Variants in IL1RAP observed in about 807,000 individuals in gnomAD.
IL1RAP encodes interleukin-1 receptor accessory protein.
IL1RAP carries 35 observed loss-of-function variants against 60.7 expected under a neutral mutation model. That is an observed-to-expected ratio of 0.58 (90% confidence interval 0.44 to 0.76). IL1RAP has a LOEUF of 0.76. Among genes scored for constraint, IL1RAP ranks in the 30% least tolerant of loss-of-function variants. The pLI is 0.00. For synonymous variants in IL1RAP, 268 were observed against 250.9 expected, an observed-to-expected ratio of 1.07 and a Z score of -0.64; for missense variants, 572 against 693.9, an observed-to-expected ratio of 0.82 and a Z score of 1.97.
downstream of IL1RAP, among the ~76,000 whole-genome samples, chr3:190,654,713 C>G (rs1032140495): frequency 3.9e-5 from 6 of 152,214 alleles, no homozygotes; most frequent in Non-Finnish European, 7.3e-5. Flanking sequence ...AAACTCTCTC[C>G]GTTACTGTTT....
At chr3:190,585,821 AG>A (rs1338826938) in intron 3 of IL1RAP, among the ~76,000 whole-genome samples, 3 of 152,238 alleles carry the variant, frequency 2.0e-5, no homozygotes, top group East Asian at 3.9e-4. Context: ...CCAAAAAAAA[AG>A]AAAAAAAGAA....
intron 3 of IL1RAP, among the ~76,000 whole-genome samples, chr3:190,572,125 T>C (rs1726982427): frequency 6.6e-6 from 1 of 152,202 alleles, no homozygotes; most frequent in South Asian, 2.1e-4. Context: ...TAGCTTTAAA[T>C]TGATGCACCT....
At chr3:190,625,731 T>C (rs996276217) in intron 7 of IL1RAP, among the ~76,000 whole-genome samples, 1 of 152,238 alleles carries the variant, frequency 6.6e-6, no homozygotes, top group African/African-American at 2.4e-5. Flanking sequence ...TATGACTTGC[T>C]TTGTGAAACA....
chr3:190,589,133 A>C (rs1350927561), intron 3 of IL1RAP, among the ~76,000 whole-genome samples: 1 of 152,140 alleles, frequency 6.6e-6, no homozygotes, highest in Non-Finnish European at 1.5e-5. Context: ...TCTAAGATGC[A>C]CGGTGGATTA....
At chr3:190,610,496 A>C (rs1730728707) in intron 5 of IL1RAP, among the ~76,000 whole-genome samples, 1 of 152,066 alleles carries the variant, frequency 6.6e-6, no homozygotes, top group Admixed American at 6.6e-5. Context: ...TAGAAGGTGA[A>C]AGGGAGAAAA....
chr3:190,619,795 C>G (rs898024858), intron 5 of IL1RAP, among the ~76,000 whole-genome samples: 3 of 150,884 alleles, frequency 2.0e-5, no homozygotes, highest in African/African-American at 7.3e-5. Context: ...AGGGAAACAA[C>G]AGGGTGATTA....
chr3:190,602,450 A>G (rs1419458835), intron 3 of IL1RAP, among the ~76,000 whole-genome samples: 3 of 152,180 alleles, frequency 2.0e-5, no homozygotes, highest in Non-Finnish European at 2.9e-5. Context: ...AAATCTTTTA[A>G]CACTTAGCAC....
chr3:190,527,684 ATTTT>A (rs58914187), intron 1 of IL1RAP, among the ~76,000 whole-genome samples: 8 of 112,928 alleles, frequency 7.1e-5, no homozygotes, highest in Non-Finnish European at 1.1e-4. Flanking sequence ...GCTTGTTTAC[ATTTT>A]TTTTTTTTTT....
intron 1 of IL1RAP, among the ~76,000 whole-genome samples, chr3:190,545,534 ATG>A (rs1395313721): frequency 9.8e-5 from 15 of 152,316 alleles, no homozygotes; most frequent in African/African-American, 3.4e-4. Flanking sequence ...GACATGACAA[ATG>A]CTGAGATTGT....
downstream of IL1RAP, chr3:190,656,280 G>A (rs746232734): frequency 6.5e-7 from 1 of 1,537,220 alleles, no homozygotes. Flanking sequence ...GTTTGAAAGA[G>A]CCCCCAGAAC....
intron 1 of IL1RAP, among the ~76,000 whole-genome samples, chr3:190,544,621 C>T (rs1724216136): frequency 6.6e-6 from 1 of 152,160 alleles, no homozygotes; most frequent in African/African-American, 2.4e-5. Flanking sequence ...CAGTCAAACT[C>T]CACCTCCACC....
downstream of IL1RAP, chr3:190,656,464 C>G (rs1378303495): frequency 3.9e-6 from 6 of 1,537,260 alleles, no homozygotes; most frequent in Non-Finnish European, 4.4e-6. Flanking sequence ...GGAGACACAC[C>G]TCTGTAAGCC....
chr3:190,566,567 AG>A (rs1726420492), intron 3 of IL1RAP, among the ~76,000 whole-genome samples: 1 of 152,148 alleles, frequency 6.6e-6, no homozygotes, highest in East Asian at 1.9e-4. Context: ...TGCCAGGGGA[AG>A]CTAACTTCTT....
chr3:190,620,376 T>C lies in IL1RAP; in HGVS notation c.639T>C (p.Val213=), dbSNP rs745436230. The C allele has an allele frequency of 2.2e-5, 35 of 1,612,816 alleles. No individual in the cohort carries two copies. The Middle Eastern group carries it at 4.9e-4, about 23-fold the overall frequency. Residue 213 remains valine, a synonymous_variant, in exon 6 of 12, where the codon GTT becomes GTC. Coordinates refer to ENST00000447382, the MANE Select transcript of IL1RAP (RefSeq NM_002182.4). ...CAAATAATGGAAATTACACATGTGT[T>C]GTTACATATCCAGAAAATGGACGTA... The part of the protein sequence containing the change: ...LISNNGNYTC[V]VTYPENGRTF...
At chr3:190,552,006 G>A (rs541087596) in intron 1 of IL1RAP, among the ~76,000 whole-genome samples, 14 of 152,040 alleles carry the variant, frequency 9.2e-5, no homozygotes, top group Non-Finnish European at 1.0e-4. Context: ...GCAATCCAAC[G>A]TACCTAAACA....
In IL1RAP at chr3:190,582,813, A is replaced by G. The variant is rs1485975916; in HGVS notation, c.64+18460A>G. 3.9e-5 allele frequency among the ~76,000 whole-genome samples: 6 copies of G among 152,288 alleles called. No individual in the cohort carries two copies. The East Asian group carries it at 9.6e-4, about 24-fold the overall frequency. ...AAATTTAAGTTCCTTACAGCGGCCT[A>G]TATGCTCTTATATGTTCAAATTCCT... is the stretch of plus-strand genomic sequence containing the variant. On this transcript the variant is annotated intron_variant, in intron 3 of 11. Transcript: ENST00000447382.
At position 190,573,874 on chromosome 3, in the gene IL1RAP, CA is replaced by C. The variant is rs374637949; in HGVS notation, c.64+9523del. On this transcript the variant is annotated intron_variant, in intron 3 of 11. Transcript: ENST00000447382. ...GTGAGGAAACTCACATTCTTTGAAT[CA>C]AGGATTATATTCATATAATATTATA... Among the ~76,000 whole-genome samples, 13 of 152,208 alleles carry C rather than the reference CA, an allele frequency of 8.5e-5. 1 individual carries two copies. Among genetic ancestry groups the C allele is most frequent in the African/African-American group, 3.1e-4 (13 of 41,546 alleles).
chr3:190,565,656 G>A (rs75059585), intron 3 of IL1RAP, among the ~76,000 whole-genome samples: 2,553 of 152,222 alleles, frequency 0.017, 77 homozygotes, highest in African/African-American at 0.058. Context: ...GATGTTATTC[G>A]GCTGGGATGC....
intron 5 of IL1RAP, among the ~76,000 whole-genome samples, chr3:190,612,896 T>C (rs1730944227): frequency 6.6e-6 from 1 of 152,204 alleles, no homozygotes; most frequent in Non-Finnish European, 1.5e-5. Flanking sequence ...ACTTTCATCA[T>C]AAGTTAAGGA....
Sources: allele counts gnomAD v4.1 joint callset (sites outside exome capture counted in the v4.1 genomes callset), GRCh38; gene constraint gnomAD v4.1.1; transcripts MANE v1.5; gene names NCBI Gene and HGNC (gene_info 2026-07-23, HGNC 2026-07-21).